STT3B: variants seen among roughly 807,000 people sequenced by gnomAD.
STT3B encodes STT3 oligosaccharyltransferase complex catalytic subunit B.
Under a neutral mutation model 96.8 loss-of-function variants are expected in STT3B, and 29 were observed. That is an observed-to-expected ratio of 0.30 (90% CI 0.22 to 0.41). The LOEUF is 0.41. STT3B is among the 10% of genes least tolerant of loss of function. The pLI is 1.00. For missense variants in STT3B, 640 were observed against 1,022.3 expected, an observed-to-expected ratio of 0.63 and a Z score of 5.10; for synonymous variants, 367 against 360.0, an observed-to-expected ratio of 1.02 and a Z score of -0.22.
At chr3:31,630,901 A>T (rs996690954) in intron 14 of STT3B, among the ~76,000 whole-genome samples, 3 of 151,668 alleles carry the variant, frequency 2.0e-5, no homozygotes, top group Non-Finnish European at 4.4e-5. Flanking sequence ...GGTTCATGCC[A>T]TTCTCCTGCC....
rs147663471 is a variant in STT3B, at chr3:31,625,229, A to G, written c.1899+144A>G. The stretch of plus-strand genomic sequence containing the variant: ...ACTTTTTTACACATATGTTCAATAA[A>G]GTGAGTTCAAGGTGTGCTTATTTTG... On this transcript the variant is annotated intron_variant, in intron 12 of 15. Transcript: ENST00000295770. 14 of 624,870 alleles carry G rather than the reference A, an allele frequency of 2.2e-5. No individual in the cohort carries two copies. The South Asian group carries it at 3.4e-4, about 15-fold the overall frequency. 38.7% of individuals were successfully genotyped at this position (624,870 alleles called of 1,614,324 possible). A position where few individuals can be genotyped will look rare whatever the true frequency, so the allele number is the denominator to read the frequency against.
chr3:31,551,505 C>T (rs1697558821), intron 1 of STT3B, among the ~76,000 whole-genome samples: 2 of 152,216 alleles, frequency 1.3e-5, no homozygotes, highest in Non-Finnish European at 2.9e-5. Context: ...GCATGAGCCA[C>T]TGTGCCTGGC....
At position 31,532,950 on chromosome 3, in the gene STT3B, AGGC is replaced by A. The variant is rs745434922; in HGVS notation, c.-37_-35del. On this transcript the variant is annotated 5_prime_UTR_variant, in exon 1 of 16. Transcript: ENST00000295770. Reference sequence around the variant, plus strand: ...GTCCCCGCCCAGCACCCCTCGCACCAGGCGGCGGCGGCGGAGGAGGAGAGCTAG... The same window carrying A: ...GTCCCCGCCCAGCACCCCTCGCACCAGGCGGCGGCGGAGGAGGAGAGCTAG... 2.0e-4 allele frequency: 314 copies of A among 1,544,178 alleles called. No homozygotes were observed. The highest frequency in any genetic ancestry group is 4.2e-4 in the Admixed American group (21 of 50,438).
intron 1 of STT3B, among the ~76,000 whole-genome samples, chr3:31,551,334 G>A (rs756867429): frequency 6.6e-6 from 1 of 152,026 alleles, no homozygotes; most frequent in Non-Finnish European, 1.5e-5. Flanking sequence ...TCCCACCTTA[G>A]CCTCTCAAGT....
intron 3 of STT3B, among the ~76,000 whole-genome samples, chr3:31,595,838 A>G (rs1002900496): frequency 1.3e-5 from 2 of 152,148 alleles, no homozygotes; most frequent in Non-Finnish European, 2.9e-5. Context: ...TTCCTGCCTC[A>G]TTGCCCTCAA....
At chr3:31,596,397 G>A (rs948915129) in intron 3 of STT3B, among the ~76,000 whole-genome samples, 2 of 152,050 alleles carry the variant, frequency 1.3e-5, no homozygotes, top group African/African-American at 4.8e-5. Flanking sequence ...CCATTGAACT[G>A]GTTTGGCACT....
Position 31,559,012 on chromosome 3 carries a change from TTTG to T in STT3B, c.315-17381_315-17379del, listed in dbSNP as rs966962860. Among the ~76,000 whole-genome samples, 19 of 151,744 alleles carry T rather than the reference TTTG, an allele frequency of 1.3e-4. 1 individual carries two copies. ...TTCTGTGGTACTAATTTGTAGTGTC[TTTG>T]TTTTCATTTCTGATTATAGTTGGGT... On this transcript the variant is annotated intron_variant, in intron 1 of 15. Coordinates refer to ENST00000295770, the MANE Select transcript of STT3B (RefSeq NM_178862.3).
intron 1 of STT3B, among the ~76,000 whole-genome samples, chr3:31,563,182 C>T (rs1350722435): frequency 6.6e-6 from 1 of 152,118 alleles, no homozygotes; most frequent in Non-Finnish European, 1.5e-5. Flanking sequence ...CTTTTTTACT[C>T]GCTATTGTGG....
At chr3:31,600,787 T>G (rs776403255) in intron 5 of STT3B, among the ~76,000 whole-genome samples, 5 of 152,132 alleles carry the variant, frequency 3.3e-5, no homozygotes, top group Non-Finnish European at 5.9e-5. Flanking sequence ...CAACTTACTG[T>G]AAGAGATTGA....
At chr3:31,589,907 C>G (rs1448823433) in intron 3 of STT3B, among the ~76,000 whole-genome samples, 1 of 151,844 alleles carries the variant, frequency 6.6e-6, no homozygotes, top group Non-Finnish European at 1.5e-5. Context: ...GCCCTATTTC[C>G]TGAAATAATT....
chr3:31,580,019 A>G lies in STT3B; in HGVS notation c.634A>G (p.Ile212Val), dbSNP rs1698348637. 6.2e-7 allele frequency: 1 copy of G among 1,613,792 alleles called. No individual in the cohort carries two copies. The highest frequency in any genetic ancestry group is 8.5e-7 in the Non-Finnish European group (1 of 1,179,778). Reference protein sequence around the residue: ...ACFIAIVPGYISRSVAGSFDN... With the variant: ...ACFIAIVPGYVSRSVAGSFDN... ...TTTTATTGCTATTGTACCAGGCTAC[A>G]TATCTCGGTCAGTAGCTGGATCCTT... The change falls in exon 3 of 16, where the codon ATA (isoleucine) becomes GTA (valine). Residue 212 changes from isoleucine to valine, a missense_variant. By Grantham distance (29) the Ile-to-Val change is conservative. Around this residue, in one of 8 missense-constraint regions of STT3B, gnomAD observed 267 missense variants for 388.3 expected, o/e 0.69. Transcript: ENST00000295770.
At chr3:31,632,667 G>T (rs62234759) in intron 14 of STT3B, among the ~76,000 whole-genome samples, 1 of 78,496 alleles carries the variant, frequency 1.3e-5, no homozygotes, top group Admixed American at 1.4e-4. Flanking sequence ...ATGTTTTGGT[G>T]GGTTTTTTTT....
At chr3:31,600,730 A>G (rs560135433) in intron 5 of STT3B, among the ~76,000 whole-genome samples, 1 of 152,032 alleles carries the variant, frequency 6.6e-6, no homozygotes, top group Non-Finnish European at 1.5e-5. Context: ...ATTTTGGGGA[A>G]TGGGAATTTT....
intron 2 of STT3B, among the ~76,000 whole-genome samples, chr3:31,576,756 G>C (rs944530873): frequency 3.3e-5 from 5 of 152,086 alleles, no homozygotes; most frequent in Admixed American, 1.3e-4. Context: ...GTGGGGATCT[G>C]CTGTCACAGT....
intron 14 of STT3B, among the ~76,000 whole-genome samples, 162 bp from the exon 15 acceptor site, chr3:31,632,773 G>C (rs542745858): frequency 7.4e-5 from 11 of 149,368 alleles, no homozygotes; most frequent in African/African-American, 2.2e-4. Flanking sequence ...ATTTTTTCCT[G>C]TCTAGTTAGC....
rs377451924 is a variant in STT3B at position 31,636,112 on chromosome 3, C to G, written c.*48C>G. The G allele has an allele frequency of 7.1e-7, 1 of 1,408,758 alleles. No homozygotes were observed. The highest frequency in any genetic ancestry group is 9.7e-7 in the Non-Finnish European group (1 of 1,026,990). The allele number at this position is 1,408,758 out of a possible 1,614,324, so 87.3% of individuals were successfully genotyped here. ...TTGAAGCAGTTGTCCTTGTGAGAACCGGTCTTTGCCTTTAGCTCATGTCGT... is the reference window on the plus strand; with the variant it reads ...TTGAAGCAGTTGTCCTTGTGAGAACGGGTCTTTGCCTTTAGCTCATGTCGT... On this transcript the variant is annotated 3_prime_UTR_variant, in exon 16 of 16. Transcript: ENST00000295770.
At chr3:31,578,878 G>GC (rs1698316376) in intron 2 of STT3B, among the ~76,000 whole-genome samples, 1 of 152,106 alleles carries the variant, frequency 6.6e-6, no homozygotes, top group African/African-American at 2.4e-5. Context: ...TGGAGAAAAA[G>GC]CAAGAGAGTT....
chr3:31,608,358 A>G (rs955560698), intron 5 of STT3B, among the ~76,000 whole-genome samples: 1 of 152,196 alleles, frequency 6.6e-6, no homozygotes, highest in African/African-American at 2.4e-5. Context: ...ATCGGTTTAC[A>G]ATATTTATGG....
chr3:31,613,765 T>C (rs1255935231), intron 5 of STT3B, among the ~76,000 whole-genome samples: 1 of 151,938 alleles, frequency 6.6e-6, no homozygotes, highest in Non-Finnish European at 1.5e-5. Flanking sequence ...ACATTTCGGG[T>C]CATGTGACGG....
Sources: gnomAD v4.1 joint callset for allele counts (sites outside exome capture counted in the v4.1 genomes callset) on GRCh38, gnomAD v4.1.1 for gene constraint, gnomAD v4.1.1 regional missense constraint, MANE v1.5 for transcripts, NCBI Gene and HGNC (gene_info 2026-07-23, HGNC 2026-07-21) for gene names.